The following KDM4C variants were observed in gnomAD, a reference collection of about 807,000 sequenced individuals.
KDM4C encodes lysine-specific demethylase 4C.
KDM4C carries 81 observed loss-of-function variants against 129.3 expected under a neutral mutation model. The ratio of observed to expected loss-of-function variants is 0.63; its 90% CI spans 0.52 to 0.75. The LOEUF is 0.75. KDM4C is among the 30% of genes least tolerant of loss of function. The probability of loss-of-function intolerance (pLI) is 0.00; values close to 1 mark genes in which losing one functional copy is unlikely to be tolerated. For missense variants in KDM4C, 1,457 were observed against 1,304.0 expected, an observed-to-expected ratio of 1.12 and a Z score of -1.81; for synonymous variants, 573 against 456.1, an observed-to-expected ratio of 1.26 and a Z score of -3.26.
intron 19 of KDM4C, among the ~76,000 whole-genome samples, chr9:7,131,489 A>C (rs1178049645): frequency 6.6e-6 from 1 of 151,876 alleles, no homozygotes; most frequent in Admixed American, 6.6e-5. Context: ...AGAAGTCCCA[A>C]GATATTTTTG....
intron 1 of KDM4C, among the ~76,000 whole-genome samples, chr9:6,792,427 C>A (rs1826851756): frequency 6.6e-6 from 1 of 152,106 alleles, no homozygotes; most frequent in African/African-American, 2.4e-5. Flanking sequence ...CTCACCCTGT[C>A]ACCCAGGCTG....
chr9:6,862,157 A>G (rs1841056100), intron 5 of KDM4C, among the ~76,000 whole-genome samples: 1 of 152,192 alleles, frequency 6.6e-6, no homozygotes, highest in Non-Finnish European at 1.5e-5. Context: ...AACTTATTTA[A>G]CAATTTTCCT....
At chr9:7,144,268 C>T (rs547227067) in intron 19 of KDM4C, among the ~76,000 whole-genome samples, 3 of 152,140 alleles carry the variant, frequency 2.0e-5, no homozygotes, top group Admixed American at 6.5e-5. Context: ...CTACCATGCC[C>T]GGCCACTCCT....
intron 17 of KDM4C, among the ~76,000 whole-genome samples, chr9:7,102,631 G>C (rs1293080368): frequency 6.6e-6 from 1 of 152,154 alleles, no homozygotes; most frequent in African/African-American, 2.4e-5. Flanking sequence ...CGAAGAGTTA[G>C]AAGTTAAATG....
At chr9:6,820,367 G>T (rs1010438772) in intron 4 of KDM4C, among the ~76,000 whole-genome samples, 2 of 152,220 alleles carry the variant, frequency 1.3e-5, no homozygotes, top group Non-Finnish European at 2.9e-5. Flanking sequence ...ATTGCAGGTT[G>T]TTTGCTGAGC....
intron 3 of KDM4C, among the ~76,000 whole-genome samples, chr9:6,813,329 C>A (rs1831507641): frequency 6.6e-6 from 1 of 152,192 alleles, no homozygotes; most frequent in African/African-American, 2.4e-5. Context: ...ATGCCCATCC[C>A]ATGCCCATCC....
At chr9:6,834,713 C>T in intron 4 of KDM4C, 2 of 889,418 alleles carry the variant, frequency 2.2e-6, no homozygotes, top group Non-Finnish European at 3.9e-6. Context: ...GAAGATCTGG[C>T]ACCACACCTT....
At chr9:6,881,483 T>C (rs1563751848) in intron 6 of KDM4C, among the ~76,000 whole-genome samples, 1 of 152,212 alleles carries the variant, frequency 6.6e-6, no homozygotes, top group Non-Finnish European at 1.5e-5. Context: ...TAAGACTATA[T>C]TCTCAACTGT....
chr9:7,155,173 G>C (rs137975323), intron 19 of KDM4C, among the ~76,000 whole-genome samples: 1 of 152,240 alleles, frequency 6.6e-6, no homozygotes, highest in African/African-American at 2.4e-5. Flanking sequence ...CCCCAGGGTT[G>C]GGAACACGCT....
At chr9:7,128,425 C>T (rs113611380) in intron 19 of KDM4C, among the ~76,000 whole-genome samples, 189 bp downstream of exon 19, 3,455 of 152,024 alleles carry the variant, frequency 0.023, 110 homozygotes, top group African/African-American at 0.078. Context: ...TTTGGCCAAA[C>T]GTTATTTGGC....
intron 1 of KDM4C, among the ~76,000 whole-genome samples, chr9:6,724,232 A>C (rs1242563863): frequency 6.6e-6 from 1 of 152,134 alleles, no homozygotes; most frequent in Non-Finnish European, 1.5e-5. Flanking sequence ...CACTGATTGG[A>C]GCCTGTGGCA....
At chr9:6,747,386 A>G (rs1421651359) in intron 1 of KDM4C, among the ~76,000 whole-genome samples, 4 of 151,732 alleles carry the variant, frequency 2.6e-5, no homozygotes, top group African/African-American at 9.7e-5. Context: ...TCTCTACTAA[A>G]AATACATAAA....
chr9:6,765,595 A>G lies in KDM4C; in HGVS notation c.-18+7392A>G, dbSNP rs192486525. Among the ~76,000 whole-genome samples, 59 of 152,308 alleles carry G rather than the reference A, an allele frequency of 3.9e-4. No homozygotes were observed. The East Asian group carries it at 0.01, about 26-fold the overall frequency. ...AGCACACTGTTCCCTCACTAGCACT[A>G]TAGTATAGGTGCTCAACGAACATTT... On this transcript the variant is annotated intron_variant, in intron 1 of 21. Coordinates refer to ENST00000381309, the MANE Select transcript of KDM4C (RefSeq NM_015061.6).
chr9:7,054,429 A>C (rs923657238), intron 17 of KDM4C, among the ~76,000 whole-genome samples: 6 of 152,216 alleles, frequency 3.9e-5, no homozygotes, highest in African/African-American at 1.4e-4. Context: ...GAACATAGAG[A>C]TATATAAAAC....
At chr9:6,740,629 C>T (rs1179104257) in intron 1 of KDM4C, among the ~76,000 whole-genome samples, 2 of 152,168 alleles carry the variant, frequency 1.3e-5, no homozygotes, top group African/African-American at 2.4e-5. Context: ...AGCGATTCTC[C>T]TGCCTCAGCC....
At chr9:6,957,562 G>A (rs1478169332) in intron 8 of KDM4C, among the ~76,000 whole-genome samples, 1 of 152,102 alleles carries the variant, frequency 6.6e-6, no homozygotes, top group African/African-American at 2.4e-5. Context: ...CATTGTCGGA[G>A]AATACTGGTA....
At chr9:6,993,621 A>C (rs1467423733) in intron 12 of KDM4C, among the ~76,000 whole-genome samples, 2 of 152,124 alleles carry the variant, frequency 1.3e-5, no homozygotes, top group Non-Finnish European at 2.9e-5. Flanking sequence ...ATGTGTATGA[A>C]GTGCATGGGT....
At chr9:7,020,250 C>G (rs958785187) in intron 15 of KDM4C, among the ~76,000 whole-genome samples, 2 of 152,174 alleles carry the variant, frequency 1.3e-5, no homozygotes, top group African/African-American at 4.8e-5. Flanking sequence ...TGCCCAACTT[C>G]AACTGAAATG....
chr9:6,865,913 C>T (rs1237450300), intron 5 of KDM4C, among the ~76,000 whole-genome samples: 2 of 151,996 alleles, frequency 1.3e-5, no homozygotes, highest in Non-Finnish European at 2.9e-5. Flanking sequence ...ACCACCATGC[C>T]TGGCTAATTT....
Sources: gnomAD v4.1 joint callset for allele counts (sites outside exome capture counted in the v4.1 genomes callset) on GRCh38, gnomAD v4.1.1 for gene constraint, MANE v1.5 for transcripts, NCBI Gene and HGNC (gene_info 2026-07-23, HGNC 2026-07-21) for gene names.